Variants in UBE2E2 observed in about 807,000 individuals in gnomAD.
UBE2E2 encodes ubiquitin-conjugating enzyme E2 E2.
In UBE2E2, 6 loss-of-function variants were observed where a neutral mutation model predicts 24.7. The observed-to-expected ratio is 0.24, with a 90% confidence interval of 0.13 to 0.48. UBE2E2 has a LOEUF of 0.48. Ranked by LOEUF, UBE2E2 falls within the 20% of genes least tolerant of loss-of-function variation. The probability of loss-of-function intolerance (pLI) is 0.99; values close to 1 mark genes in which losing one functional copy is unlikely to be tolerated. For missense variants in UBE2E2, 169 were observed against 245.0 expected, an observed-to-expected ratio of 0.69 and a Z score of 2.07; for synonymous variants, 104 against 83.6, an observed-to-expected ratio of 1.24 and a Z score of -1.33.
intron 3 of UBE2E2, among the ~76,000 whole-genome samples, chr3:23,320,924 A>C (rs1694721845): frequency 6.6e-6 from 1 of 152,204 alleles, no homozygotes; most frequent in African/African-American, 2.4e-5. Flanking sequence ...GCTTAAAACA[A>C]CAGAAGTTAG....
At chr3:23,337,895 T>G (rs2125307221) in intron 3 of UBE2E2, among the ~76,000 whole-genome samples, 1 of 152,224 alleles carries the variant, frequency 6.6e-6, no homozygotes, top group East Asian at 1.9e-4. Context: ...GTTTGTCTAT[T>G]TAAAGGCTAA....
intron 3 of UBE2E2, among the ~76,000 whole-genome samples, chr3:23,226,261 A>G (rs187006111): frequency 1.3e-5 from 2 of 151,728 alleles, no homozygotes; most frequent in African/African-American, 4.8e-5. Flanking sequence ...AAATTATAGA[A>G]TAGGAAGGTA....
chr3:23,320,256 AGTTGTTATTATCTCCAACT>A (rs1353382601), intron 3 of UBE2E2, among the ~76,000 whole-genome samples: 1 of 152,190 alleles, frequency 6.6e-6, no homozygotes, highest in Non-Finnish European at 1.5e-5. Context: ...AAGGAGTTCA[AGTTGTTATTATCTCCAACT>A]GGATGTGCTT....
At chr3:23,386,462 A>G (rs969648738) in intron 3 of UBE2E2, among the ~76,000 whole-genome samples, 3 of 152,324 alleles carry the variant, frequency 2.0e-5, no homozygotes, top group South Asian at 2.1e-4. Context: ...ACCATAGCAG[A>G]AAGTATCCGT....
In UBE2E2 at chr3:23,394,539, A is replaced by G. The variant is rs146089920; in HGVS notation, c.228-105069A>G. Among the ~76,000 whole-genome samples the G allele has an allele frequency of 6.9e-4, 105 of 152,280 alleles. 1 individual carries two copies. The highest frequency in any genetic ancestry group is 2.2e-3 in the African/African-American group (92 of 41,558). ...CCAAGAACAACTAGAAAAACTGAGGAAGACAAAATCTGTTTGATGGCAGTG... is the reference window on the plus strand; with the variant it reads ...CCAAGAACAACTAGAAAAACTGAGGGAGACAAAATCTGTTTGATGGCAGTG... On this transcript the variant is annotated intron_variant, in intron 3 of 5. Transcript: ENST00000396703.
chr3:23,210,684 C>T (rs1165815494), intron 2 of UBE2E2, among the ~76,000 whole-genome samples: 8 of 152,264 alleles, frequency 5.3e-5, no homozygotes, highest in South Asian at 2.1e-4. Flanking sequence ...CAGAGCGCAG[C>T]GCAGTGCCTG....
chr3:23,270,079 G>GGTGGTTGGTATGGGATGTGTTAGT (rs1698191061), intron 3 of UBE2E2, among the ~76,000 whole-genome samples: 1 of 150,636 alleles, frequency 6.6e-6, no homozygotes, highest in African/African-American at 2.4e-5. Context: ...TACCACCCCA[G>GGTGGTTGGTATGGGATGTGTTAGT]CAGCAATGAG....
chr3:23,329,554 A>G (rs1241197838), intron 3 of UBE2E2, among the ~76,000 whole-genome samples: 2 of 152,194 alleles, frequency 1.3e-5, no homozygotes, highest in South Asian at 2.1e-4. Context: ...AGATTGTTAA[A>G]TTTTCTCAAT....
At chr3:23,294,705 T>A (rs1698863457) in intron 3 of UBE2E2, among the ~76,000 whole-genome samples, 1 of 139,212 alleles carries the variant, frequency 7.2e-6, no homozygotes, top group Non-Finnish European at 1.6e-5. Context: ...ATTTATATAA[T>A]ATATTATAAA....
At chr3:23,547,995 A>T (rs1951661864) in intron 5 of UBE2E2, among the ~76,000 whole-genome samples, 1 of 152,198 alleles carries the variant, frequency 6.6e-6, no homozygotes, top group African/African-American at 2.4e-5. Flanking sequence ...GGAAGACTGG[A>T]GGGAAGAGTG....
Position 23,410,848 on chromosome 3 carries a change from G to A in UBE2E2, c.228-88760G>A, listed in dbSNP as rs545882907. On this transcript the variant is annotated intron_variant, in intron 3 of 5. Coordinates refer to ENST00000396703, the MANE Select transcript of UBE2E2 (RefSeq NM_152653.4). ...ATAACAGCAGAAGTGTCTGTAAGGT[G>A]TTTTGATAGCAAATGGGCATGGGAG... 7.8e-4 allele frequency among the ~76,000 whole-genome samples: 118 copies of A among 152,254 alleles called. 2 individuals carry two copies. The highest frequency in any genetic ancestry group is 9.4e-4 in the Non-Finnish European group (64 of 68,020).
intron 3 of UBE2E2, among the ~76,000 whole-genome samples, chr3:23,482,697 A>C (rs1258353765): frequency 1.3e-5 from 2 of 152,154 alleles, no homozygotes; most frequent in Non-Finnish European, 2.9e-5. Context: ...TAATTCTTTC[A>C]TGAAAGCCAC....
chr3:23,280,614 A>G lies in UBE2E2; in HGVS notation c.227+63302A>G, dbSNP rs894090785. Among the ~76,000 whole-genome samples the G allele has an allele frequency of 6.6e-6, 1 of 152,132 alleles. No homozygotes were observed. Among genetic ancestry groups the G allele is most frequent in the African/African-American group, 2.4e-5 (1 of 41,424 alleles). ...CCCTGATGACCCAGTTGTCTTACTC[A>G]CTCAGAAATGGTGCCTTCTTTTGGT... On this transcript the variant is annotated intron_variant, in intron 3 of 5. Transcript: ENST00000396703. The surrounding 1 kb of genome is among the most constrained non-coding windows in gnomAD (Gnocchi z 4.3).
intron 3 of UBE2E2, among the ~76,000 whole-genome samples, chr3:23,364,088 C>T (rs947231372): frequency 4.6e-5 from 7 of 151,866 alleles, no homozygotes; most frequent in African/African-American, 1.7e-4. Context: ...GTACAACATA[C>T]CAGAATCTCT....
intron 3 of UBE2E2, chr3:23,271,157 G>C (rs1055538387): frequency 2.4e-6 from 1 of 415,030 alleles, no homozygotes; most frequent in Admixed American, 2.9e-5. Flanking sequence ...AAGATGGCAA[G>C]TATTGTGTCT....
At chr3:23,580,855 T>G (rs1696460732) in intron 5 of UBE2E2, among the ~76,000 whole-genome samples, 1 of 151,866 alleles carries the variant, frequency 6.6e-6, no homozygotes, top group Non-Finnish European at 1.5e-5. Context: ...ATTTTTTTAT[T>G]GCATATTTTA....
intron 3 of UBE2E2, among the ~76,000 whole-genome samples, chr3:23,413,038 G>A (rs560426600): frequency 2.2e-5 from 3 of 137,932 alleles, no homozygotes; most frequent in Non-Finnish European, 4.7e-5. Context: ...ACACTCCGGG[G>A]ACAGTTTTGG....
At chr3:23,311,162 C>G (rs574041647) in intron 3 of UBE2E2, among the ~76,000 whole-genome samples, 3 of 152,280 alleles carry the variant, frequency 2.0e-5, no homozygotes, top group Non-Finnish European at 4.4e-5. Flanking sequence ...CCAGCTTCAT[C>G]TATGTCCCTG....
chr3:23,573,446 T>C (rs527803564), intron 5 of UBE2E2, among the ~76,000 whole-genome samples: 3 of 152,152 alleles, frequency 2.0e-5, no homozygotes, highest in Non-Finnish European at 4.4e-5. Context: ...GGAGAAAATA[T>C]TTTTTCCACA....
Sources: allele counts gnomAD v4.1 joint callset (sites outside exome capture counted in the v4.1 genomes callset), GRCh38; gene constraint gnomAD v4.1.1; non-coding constraint Gnocchi (gnomAD v3.1); transcripts MANE v1.5; gene names NCBI Gene and HGNC (gene_info 2026-07-23, HGNC 2026-07-21).